The following TNNI3K variants were observed in gnomAD, a reference collection of about 807,000 sequenced individuals.
TNNI3K encodes TNNI3 interacting kinase, also known as serine/threonine-protein kinase TNNI3K.
A neutral mutation model predicts 114.5 loss-of-function variants in TNNI3K; 140 were observed. The ratio of observed to expected loss-of-function variants is 1.22; its 90% CI spans 1.07 to 1.41. TNNI3K has a LOEUF of 1.41. TNNI3K is among the 40% of genes most tolerant of loss of function. TNNI3K has a pLI of 0.00. For missense variants in TNNI3K, 1,125 were observed against 1,007.6 expected, an observed-to-expected ratio of 1.12 and a Z score of -1.58; for synonymous variants, 347 against 347.5, an observed-to-expected ratio of 1.00 and a Z score of 0.02.
rs3911352 is a variant in TNNI3K, at chr1:74,539,959, A to G, written c.2352-275A>G. ...ATTATTTATGTTCTTTTCCTATTTT[A>G]CAGGTAAATAAACTGAGGCTCAGAA... is the stretch of plus-strand genomic sequence containing the variant. On this transcript the variant is annotated intron_variant, in intron 23 of 24. Coordinates refer to ENST00000326637, the MANE Select transcript of TNNI3K (RefSeq NM_015978.3). Among the ~76,000 whole-genome samples, 1,281 of 152,206 alleles carry G rather than the reference A, an allele frequency of 8.4e-3. 16 individuals are homozygous for G. The highest frequency in any genetic ancestry group is 0.029 in the African/African-American group (1,214 of 41,522).
chr1:74,292,226 C>CT (rs1023278227), intron 5 of TNNI3K, among the ~76,000 whole-genome samples: 31 of 151,006 alleles, frequency 2.1e-4, no homozygotes, highest in Non-Finnish European at 3.1e-4. Flanking sequence ...ATATGTTTGT[C>CT]TTTTTTTTAA....
At chr1:74,449,270 T>C (rs1368759993) in intron 20 of TNNI3K, among the ~76,000 whole-genome samples, 1 of 151,802 alleles carries the variant, frequency 6.6e-6, no homozygotes, top group Non-Finnish European at 1.5e-5. Flanking sequence ...TGTAGTATTC[T>C]CTGATGGTAG....
At position 74,354,508 on chromosome 1, in the gene TNNI3K, GA is replaced by G. The variant is rs571281850; in HGVS notation, c.1177+382del. 6.1e-4 allele frequency among the ~76,000 whole-genome samples: 92 copies of G among 151,728 alleles called. 1 individual carries two copies. The South Asian group carries it at 8.1e-3, about 13-fold the overall frequency. On this transcript the variant is annotated intron_variant, in intron 11 of 24. Transcript: ENST00000326637. ...ATAAGAAAGAAGTACAAGGGGGGGG[GA>G]AAGAAATATTTGTCAGATCTAACCC...
chr1:74,451,687 C>T (rs1317185486), intron 20 of TNNI3K, among the ~76,000 whole-genome samples: 1 of 26,768 alleles, frequency 3.7e-5, no homozygotes. Context: ...CTTTTCTTTT[C>T]TTTCTTTCTT....
Position 74,478,927 on chromosome 1 carries a change from TCCTA to T in TNNI3K, c.2122-10261_2122-10258del, listed in dbSNP as rs202225448. Among the ~76,000 whole-genome samples, 915 of 152,348 alleles carry T rather than the reference TCCTA, an allele frequency of 6.0e-3. 10 individuals are homozygous for T. The highest frequency in any genetic ancestry group is 0.02 in the African/African-American group (852 of 41,586). On this transcript the variant is annotated intron_variant, in intron 21 of 24. Coordinates refer to ENST00000326637, the MANE Select transcript of TNNI3K (RefSeq NM_015978.3). ...ACATGGTTTTTAAAAGAATTTATTT[TCCTA>T]ACATTTGAATTTCCTTCCAAGTGAG...
chr1:74,495,252 A>G (rs903416101), intron 23 of TNNI3K, among the ~76,000 whole-genome samples: 2 of 152,228 alleles, frequency 1.3e-5, no homozygotes, highest in African/African-American at 4.8e-5. Flanking sequence ...TGTTAGTACC[A>G]TTCCTCCGAG....
At chr1:74,339,310 T>G (rs1660637427) in intron 7 of TNNI3K, among the ~76,000 whole-genome samples, 1 of 152,170 alleles carries the variant, frequency 6.6e-6, no homozygotes, top group African/African-American at 2.4e-5. Context: ...TTAAGTATTT[T>G]TATTTCTTTC....
chr1:74,342,860 A>C lies in TNNI3K; in HGVS notation c.701A>C (p.Glu234Ala). Residue 234 changes from glutamate to alanine, a missense_variant, in exon 8 of 25, where the codon GAA becomes GCA. Physicochemically the swap from Glu to Ala is moderately radical, Grantham distance 107. Coordinates refer to ENST00000326637, the MANE Select transcript of TNNI3K (RefSeq NM_015978.3). ...SKADVNAQDN[E>A]DHVPLHFCSR... ...ATAACAGTGAATGCTCAAGATAATGAAGACCATGTCCCACTCCATTTCTGT... is the reference window on the plus strand; with the variant it reads ...ATAACAGTGAATGCTCAAGATAATGCAGACCATGTCCCACTCCATTTCTGT... 4 of 1,613,584 alleles carry C rather than the reference A, an allele frequency of 2.5e-6. No individual in the cohort carries two copies. In the South Asian group the frequency reaches 4.4e-5, roughly 18 times the overall value.
chr1:74,297,489 TC>T (rs1658059151), intron 5 of TNNI3K, among the ~76,000 whole-genome samples: 1 of 151,262 alleles, frequency 6.6e-6, no homozygotes, highest in South Asian at 2.1e-4. Context: ...CCAGAACCTA[TC>T]CATGCTTGGC....
intron 20 of TNNI3K, among the ~76,000 whole-genome samples, chr1:74,443,960 C>T (rs1345671399): frequency 1.3e-5 from 2 of 152,148 alleles, no homozygotes; most frequent in Non-Finnish European, 2.9e-5. Flanking sequence ...AATTCAACAT[C>T]CCTTCATGTT....
intron 17 of TNNI3K, among the ~76,000 whole-genome samples, chr1:74,408,264 C>A (rs1468427355): frequency 6.6e-6 from 1 of 152,164 alleles, no homozygotes; most frequent in Non-Finnish European, 1.5e-5. Flanking sequence ...TTATGAAGTG[C>A]TGGCTTTCAA....
intron 13 of TNNI3K, 97 bp from the exon 14 acceptor site, chr1:74,368,925 A>G: frequency 9.8e-7 from 1 of 1,018,292 alleles, no homozygotes; most frequent in South Asian, 2.3e-5. Flanking sequence ...TGTTATTAGG[A>G]AATTATGTTT....
intron 20 of TNNI3K, among the ~76,000 whole-genome samples, chr1:74,446,827 A>G (rs1191233222): frequency 6.7e-6 from 1 of 149,326 alleles, no homozygotes; most frequent in East Asian, 2.0e-4. Flanking sequence ...TTTTTCTCAG[A>G]TTTGTCAAAG....
At chr1:74,481,044 A>G (rs1668476614) in intron 21 of TNNI3K, 2 of 625,820 alleles carry the variant, frequency 3.2e-6, no homozygotes, top group Admixed American at 2.7e-5. Context: ...AGAGCAGAGA[A>G]TCAATATCCT....
intron 2 of TNNI3K, among the ~76,000 whole-genome samples, chr1:74,242,379 T>A (rs561268900): frequency 6.6e-6 from 1 of 152,332 alleles, no homozygotes; most frequent in South Asian, 2.1e-4. Context: ...GTACCTTTTC[T>A]CTCTGAAAAG....
chr1:74,301,317 T>G (rs1434843406), intron 5 of TNNI3K, among the ~76,000 whole-genome samples: 1 of 151,964 alleles, frequency 6.6e-6, no homozygotes, highest in East Asian at 1.9e-4. Context: ...GGAGAATTGC[T>G]GGAACCCAGG....
rs368088987 is a variant in TNNI3K, at chr1:74,367,914, C to G, written c.1271C>G (p.Ser424Cys). 6.3e-7 allele frequency: 1 copy of G among 1,575,776 alleles called. No homozygotes were observed. The change falls in exon 13 of 25, where the codon TCC becomes TGC. Residue 424 changes from serine to cysteine, a missense_variant. Ser to Cys is a moderately radical substitution (Grantham distance 112). Coordinates refer to ENST00000326637, the MANE Select transcript of TNNI3K (RefSeq NM_015978.3). ...NEYSQPGGDG[S>C]YVSVPSPLGK... is the part of the protein sequence containing the mutation. ...TATATAATTTAATTTCTAGATGGCT[C>G]CTATGTGTCTGTTCCATCACCCTTG...
At chr1:74,336,506 C>G (rs529684977) in intron 7 of TNNI3K, among the ~76,000 whole-genome samples, 1 of 145,020 alleles carries the variant, frequency 6.9e-6, no homozygotes, top group Non-Finnish European at 1.5e-5. Flanking sequence ...CCCCCTCCCC[C>G]CATGCCACAA....
rs116045702 is a variant in TNNI3K at position 74,482,908 on chromosome 1, T to G, written c.2122-6281T>G. 3.8e-3 allele frequency among the ~76,000 whole-genome samples: 586 copies of G among 152,346 alleles called. 2 individuals carry two copies. Among genetic ancestry groups the G allele is most frequent in the African/African-American group, 0.014 (565 of 41,572 alleles). On this transcript the variant is annotated intron_variant, in intron 21 of 24. Transcript: ENST00000326637. The stretch of plus-strand genomic sequence containing the variant: ...ATGCTGAACAATTGCAGTTCAGGTT[T>G]CTGATTCATTGATATTTCTTCCAGC...
Sources: allele counts gnomAD v4.1 joint callset (sites outside exome capture counted in the v4.1 genomes callset), GRCh38; gene constraint gnomAD v4.1.1; transcripts MANE v1.5; gene names NCBI Gene and HGNC (gene_info 2026-07-23, HGNC 2026-07-21).